PRKX: variants seen among roughly 807,000 people sequenced by gnomAD.
The protein encoded by PRKX is protein kinase cAMP-dependent X-linked catalytic subunit.
In PRKX, 12 loss-of-function variants were observed where a neutral mutation model predicts 22.0. That is an observed-to-expected ratio of 0.54 (90% CI 0.35 to 0.88). The LOEUF (loss-of-function observed/expected upper bound fraction) is 0.88, where lower values mean the gene tolerates loss of function less well. PRKX is among the 40% of genes least tolerant of loss of function. The probability of loss-of-function intolerance (pLI) is 0.01; values close to 1 mark genes in which losing one functional copy is unlikely to be tolerated. For missense variants in PRKX, 217 were observed against 308.0 expected (o/e 0.70, Z 2.21); for synonymous variants, 134 against 137.7 (o/e 0.97, Z 0.19).
intron 4 of PRKX, among the ~76,000 whole-genome samples, chrX:3,640,569 G>C (rs754359781): frequency 1.3e-4 from 15 of 111,666 alleles, no homozygotes; most frequent in Non-Finnish European, 2.6e-4. Flanking sequence ...ACAAATGACC[G>C]ACCTCTGTTA....
intron 1 of PRKX, among the ~76,000 whole-genome samples, chrX:3,706,881 G>A (rs1194871094): frequency 7.1e-5 from 8 of 111,954 alleles, no homozygotes; most frequent in Admixed American, 4.7e-4. Flanking sequence ...TCCCAGCTAC[G>A]TGGGAGGCTG....
chrX:3,644,797 G>A (rs1471277932), intron 3 of PRKX, among the ~76,000 whole-genome samples: 1 of 111,652 alleles, frequency 9.0e-6, no homozygotes, highest in East Asian at 2.8e-4. Flanking sequence ...AAAGTGGCCT[G>A]AAAGTAGCTA....
chrX:3,698,497 G>T (rs1928488694), intron 1 of PRKX, among the ~76,000 whole-genome samples: 1 of 110,559 alleles, frequency 9.0e-6, no homozygotes, highest in East Asian at 2.8e-4. Context: ...AAAGAAGTAG[G>T]TTTTCACTTT....
At chrX:3,670,577 GCT>G (rs1389391314) in intron 2 of PRKX, among the ~76,000 whole-genome samples, 1 of 111,558 alleles carries the variant, frequency 9.0e-6, no homozygotes, top group Non-Finnish European at 1.9e-5. Flanking sequence ...ACAGGGTCTT[GCT>G]CTGTCCCCCA....
intron 1 of PRKX, among the ~76,000 whole-genome samples, chrX:3,675,274 G>C (rs1293997408): frequency 1.8e-5 from 2 of 111,539 alleles, no homozygotes; most frequent in Middle Eastern, 4.6e-3. Context: ...TCAAAGTACG[G>C]AGTCCGTATT....
At position 3,710,639 on chromosome X, in the gene PRKX, G is replaced by A. The variant is rs556316482; in HGVS notation, c.166+2449C>T. ...TCCGCCTGCCTCGGCCTCCCAAAGTGCTGGGACTACAGGTATGAGCCACCA... is the reference window on the plus strand; with the variant it reads ...TCCGCCTGCCTCGGCCTCCCAAAGTACTGGGACTACAGGTATGAGCCACCA... On this transcript the variant is annotated intron_variant, in intron 1 of 8. Transcript: ENST00000262848. 7.1e-5 allele frequency among the ~76,000 whole-genome samples: 8 copies of A among 111,917 alleles called. No individual in the cohort carries two copies. The South Asian group carries it at 2.9e-3, about 41-fold the overall frequency.
intron 1 of PRKX, among the ~76,000 whole-genome samples, chrX:3,712,175 A>G (rs1051194099): frequency 1.8e-5 from 2 of 111,456 alleles, no homozygotes; most frequent in African/African-American, 6.5e-5. Flanking sequence ...AGAGGGCCTG[A>G]GAGCCGACGC....
chrX:3,691,095 G>C (rs1928315052), intron 1 of PRKX, among the ~76,000 whole-genome samples: 1 of 111,890 alleles, frequency 8.9e-6, no homozygotes, highest in Non-Finnish European at 1.9e-5. Flanking sequence ...AGTCGGACTA[G>C]GGTCTAGAAA....
chrX:3,620,237 C>T lies in PRKX; in HGVS notation c.873+1022G>A, dbSNP rs752207394. On this transcript the variant is annotated intron_variant, in intron 6 of 8. Coordinates refer to ENST00000262848, the MANE Select transcript of PRKX (RefSeq NM_005044.5). Reference sequence around the variant, plus strand: ...ACAAAACGAGGTCTGCCCACACAATCGAATACTATGCAGTCAGGAAAAGGA... The same window carrying T: ...ACAAAACGAGGTCTGCCCACACAATTGAATACTATGCAGTCAGGAAAAGGA... Among the ~76,000 whole-genome samples the T allele has an allele frequency of 2.7e-5, 3 of 112,184 alleles. No individual in the cohort carries two copies. The South Asian group carries it at 1.1e-3, about 42-fold the overall frequency.
At chrX:3,631,701 T>G (rs933699534) in intron 4 of PRKX, among the ~76,000 whole-genome samples, 5 of 110,694 alleles carry the variant, frequency 4.5e-5, no homozygotes, top group Admixed American at 9.6e-5. Flanking sequence ...TCTAAGAGAC[T>G]GAAGAGGAGA....
chrX:3,668,274 A>C (rs56233080), intron 2 of PRKX: 2 of 110,746 alleles, frequency 1.8e-5, no homozygotes, highest in Non-Finnish European at 3.8e-5. Context: ...GAAGAGGAAG[A>C]GAAGACCCAG....
intron 1 of PRKX, among the ~76,000 whole-genome samples, chrX:3,691,124 G>A (rs927278296): frequency 1.8e-5 from 2 of 112,026 alleles, no homozygotes; most frequent in African/African-American, 6.5e-5. Context: ...CCCGTACAGA[G>A]GGATCAATCA....
intron 2 of PRKX, among the ~76,000 whole-genome samples, chrX:3,669,870 C>T (rs1180955418): frequency 1.8e-5 from 2 of 111,886 alleles, no homozygotes; most frequent in South Asian, 3.8e-4. Context: ...TCTCTCTGTC[C>T]GTCGTCTGTC....
At chrX:3,626,321 T>A (rs1926657958) in intron 5 of PRKX, 98 bp downstream of exon 5, 1 of 617,489 alleles carries the variant, frequency 1.6e-6, no homozygotes, top group Admixed American at 3.5e-5. Flanking sequence ...GCACATTTAA[T>A]AACACAATAT....
At chrX:3,653,062 G>GA (rs998309284) in intron 3 of PRKX, among the ~76,000 whole-genome samples, 6 of 109,200 alleles carry the variant, frequency 5.5e-5, no homozygotes, top group African/African-American at 1.0e-4. Flanking sequence ...TCCAATCATG[G>GA]AAAAAAAAAT....
At chrX:3,660,720 G>C (rs1351493620) in intron 2 of PRKX, among the ~76,000 whole-genome samples, 1 of 111,821 alleles carries the variant, frequency 8.9e-6, no homozygotes, top group Non-Finnish European at 1.9e-5. Context: ...AGGAATGAAA[G>C]AACTTTGAGG....
intron 3 of PRKX, among the ~76,000 whole-genome samples, chrX:3,652,974 A>ATT (rs1927368605): frequency 9.0e-6 from 1 of 111,496 alleles, no homozygotes; most frequent in Non-Finnish European, 1.9e-5. Flanking sequence ...CTTAGCCTCC[A>ATT]TGACAGTGAG....
intron 2 of PRKX, among the ~76,000 whole-genome samples, chrX:3,669,509 C>T (rs373403291): frequency 1.5e-3 from 168 of 112,183 alleles, no homozygotes; most frequent in African/African-American, 5.2e-3. Context: ...AGTCCAGGGA[C>T]GCTGCTCAAC....
At chrX:3,688,896 C>T (rs951407389) in intron 1 of PRKX, among the ~76,000 whole-genome samples, 1 of 107,871 alleles carries the variant, frequency 9.3e-6, no homozygotes, top group Admixed American at 1.0e-4. Flanking sequence ...AAAAGTGAGG[C>T]TCTTCTCCAT....
Sources: allele counts gnomAD v4.1 joint callset (sites outside exome capture counted in the v4.1 genomes callset), GRCh38; gene constraint gnomAD v4.1.1; transcripts MANE v1.5; gene names NCBI Gene and HGNC (gene_info 2026-07-23, HGNC 2026-07-21).